Variants in INSR observed in about 807,000 individuals in gnomAD.
The protein encoded by INSR is IR.
Under a neutral mutation model 142.6 loss-of-function variants are expected in INSR, and 67 were observed. That is an observed-to-expected ratio of 0.47 (90% CI 0.39 to 0.58). The LOEUF (loss-of-function observed/expected upper bound fraction) is 0.58, where lower values mean the gene tolerates loss of function less well. INSR is among the 20% of genes least tolerant of loss of function. The pLI is 0.00. For missense variants in INSR, 1,248 were observed against 1,833.2 expected, an observed-to-expected ratio of 0.68 and a Z score of 5.83; for synonymous variants, 756 against 743.1, an observed-to-expected ratio of 1.02 and a Z score of -0.28.
chr19:7,257,067 C>T (rs1368045417), intron 2 of INSR, among the ~76,000 whole-genome samples: 2 of 151,432 alleles, frequency 1.3e-5, no homozygotes, highest in Non-Finnish European at 2.9e-5. Context: ...CTCAGTCTCC[C>T]AAGCAGCTGG....
Position 7,166,274 on chromosome 19 carries a change from G to A in INSR, c.1741C>T (p.Arg581Trp), listed in dbSNP as rs1555743340. ...TACTGGGTCCAGGGCTTGAGACCCC[G>A]CATCAGCCACCCTGGGTGGTTCTGT... Reference protein sequence around the residue: ...KSQNHPGWLMRGLKPWTQYAI... With the variant: ...KSQNHPGWLMWGLKPWTQYAI... The change falls in exon 8 of 22, where the codon CGG (arginine) becomes TGG (tryptophan). Residue 581 changes from arginine to tryptophan, a missense_variant. By Grantham distance (101) the Arg-to-Trp change is moderately radical. Coordinates refer to ENST00000302850, the MANE Select transcript of INSR (RefSeq NM_000208.4). This position sits in a 1 kb window ranked among gnomAD's most constrained non-coding sequence, Gnocchi z 4.1. 1.2e-6 allele frequency: 2 copies of A among 1,614,144 alleles called. No individual in the cohort carries two copies. The highest frequency in any genetic ancestry group is 1.7e-6 in the Non-Finnish European group (2 of 1,180,024).
intron 2 of INSR, among the ~76,000 whole-genome samples, chr19:7,239,413 C>T (rs1031915869): frequency 3.3e-5 from 5 of 151,618 alleles, no homozygotes; most frequent in Non-Finnish European, 7.4e-5. Flanking sequence ...AAAAGAATAC[C>T]ATAGGATACC....
intron 20 of INSR, 81 bp downstream of exon 20, chr19:7,120,539 G>T (rs1023218072): frequency 5.1e-6 from 8 of 1,562,088 alleles, no homozygotes; most frequent in Non-Finnish European, 7.0e-6. Flanking sequence ...AGGATGGCAG[G>T]CTTCCTTCCC....
At chr19:7,153,953 G>T (rs1195626645) in intron 9 of INSR, among the ~76,000 whole-genome samples, 1 of 152,152 alleles carries the variant, frequency 6.6e-6, no homozygotes, top group Non-Finnish European at 1.5e-5. Context: ...CTGAGGTCAG[G>T]AGTTCGAGAC....
At chr19:7,281,293 A>G (rs530295289) in intron 1 of INSR, among the ~76,000 whole-genome samples, 173 of 152,104 alleles carry the variant, frequency 1.1e-3, no homozygotes, top group African/African-American at 4.0e-3. Flanking sequence ...TCTGCAAGGA[A>G]ACAACAAGAT....
intron 2 of INSR, among the ~76,000 whole-genome samples, chr19:7,231,288 GTTTTTTGTTTTT>G (rs1225277558): frequency 1.2e-4 from 7 of 58,860 alleles, no homozygotes; most frequent in South Asian, 6.4e-4. Context: ...TTTTGGTGGT[GTTTTTTGTTTTT>G]TTTTTTTTTT....
rs71177160 is a variant in INSR, at chr19:7,148,477, C to CTTTTTTTTTTTTT, written c.2267+2007_2267+2019dup. On this transcript the variant is annotated intron_variant, in intron 11 of 21. Coordinates refer to ENST00000302850, the MANE Select transcript of INSR (RefSeq NM_000208.4). ...TTATTATTAGTATTATGTATTTATT[C>CTTTTTTTTTTTTT]TTTTTTTTTTTTTTTTTTGAGACAG... Among the ~76,000 whole-genome samples the CTTTTTTTTTTTTT allele has an allele frequency of 1.8e-3, 174 of 95,038 alleles. 19 individuals are homozygous for CTTTTTTTTTTTTT. Among genetic ancestry groups the CTTTTTTTTTTTTT allele is most frequent in the East Asian group, 4.0e-3 (13 of 3,240 alleles). The allele number at this position is 95,038 out of a possible 152,430, so 62.3% of individuals were successfully genotyped here.
intron 13 of INSR, among the ~76,000 whole-genome samples, chr19:7,138,746 A>G (rs998829481): frequency 2.6e-5 from 4 of 152,218 alleles, no homozygotes; most frequent in Non-Finnish European, 5.9e-5. Flanking sequence ...CCATTCTCCA[A>G]TGGATGGACA....
At chr19:7,277,497 C>T (rs1400869294) in intron 1 of INSR, among the ~76,000 whole-genome samples, 1 of 152,106 alleles carries the variant, frequency 6.6e-6, no homozygotes, top group Non-Finnish European at 1.5e-5. Context: ...AGTACTAAAA[C>T]AAAGAACTGC....
At chr19:7,259,881 GA>G (rs781669738) in intron 2 of INSR, among the ~76,000 whole-genome samples, 1 of 151,874 alleles carries the variant, frequency 6.6e-6, no homozygotes, top group Non-Finnish European at 1.5e-5. Context: ...GCTCACATGT[GA>G]AATCTCAGCA....
At chr19:7,136,176 A>C (rs1042667905) in intron 13 of INSR, among the ~76,000 whole-genome samples, 7 of 151,740 alleles carry the variant, frequency 4.6e-5, no homozygotes, top group Admixed American at 3.9e-4. Context: ...TGTCATGGCT[A>C]ATTTGGGGCT....
At chr19:7,205,361 T>A (rs1975080770) in intron 2 of INSR, among the ~76,000 whole-genome samples, 1 of 152,190 alleles carries the variant, frequency 6.6e-6, no homozygotes, top group African/African-American at 2.4e-5. Flanking sequence ...CTCAGAAGGT[T>A]ATTCTATAAA....
chr19:7,174,750 G>A lies in INSR; in HGVS notation c.975-19C>T, dbSNP rs1283156579. The A allele has an allele frequency of 6.2e-7, 1 of 1,608,040 alleles. No homozygotes were observed. Among genetic ancestry groups the A allele is most frequent in the Middle Eastern group, 1.7e-4 (1 of 6,046 alleles). Reference sequence around the variant, plus strand: ...CAGCAAGCTAAGGACGGAGCAGAGAGAGAGAGAAAGAGAAAGGGGAGGGGG... The same window carrying A: ...CAGCAAGCTAAGGACGGAGCAGAGAAAGAGAGAAAGAGAAAGGGGAGGGGG... On this transcript the variant is annotated intron_variant, in intron 3 of 21. Transcript: ENST00000302850.
At chr19:7,214,050 T>C (rs1165320046) in intron 2 of INSR, among the ~76,000 whole-genome samples, 1 of 152,148 alleles carries the variant, frequency 6.6e-6, no homozygotes, top group Non-Finnish European at 1.5e-5. Flanking sequence ...ACAGGTTGGC[T>C]GTTAGCAACC....
In INSR at chr19:7,192,170, G is replaced by T. The variant is rs2145012303; in HGVS notation, c.653-7533C>A. Among the ~76,000 whole-genome samples the T allele has an allele frequency of 9.7e-6, 1 of 102,612 alleles. No individual in the cohort carries two copies. Among genetic ancestry groups the T allele is most frequent in the South Asian group, 3.7e-4 (1 of 2,696 alleles). The allele number at this position is 102,612 out of a possible 152,430, so 67.3% of individuals were successfully genotyped here. ...AGAGAGAAAGAGAAAGAAAAAGAAA[G>T]ACAGAGAAAGAAAAGAAAAAAGAAA... On this transcript the variant is annotated intron_variant, in intron 2 of 21. Transcript: ENST00000302850. This position sits in a 1 kb window ranked among gnomAD's most constrained non-coding sequence, Gnocchi z 4.2.
intron 1 of INSR, among the ~76,000 whole-genome samples, chr19:7,272,642 A>C (rs1304110220): frequency 6.6e-6 from 1 of 152,110 alleles, no homozygotes; most frequent in African/African-American, 2.4e-5. Context: ...AAAACCAAAA[A>C]AACCCCACGA....
rs148501834 is a variant in INSR, at chr19:7,148,315, T to C, written c.2267+2182A>G. Reference sequence around the variant, plus strand: ...CATCACCCAGGGGGATATTTAGCAATGTCTGAAGATATTTTTGGTTATTAC... The same window carrying C: ...CATCACCCAGGGGGATATTTAGCAACGTCTGAAGATATTTTTGGTTATTAC... On this transcript the variant is annotated intron_variant, in intron 11 of 21. Transcript: ENST00000302850. Among the ~76,000 whole-genome samples, 1,427 of 152,092 alleles carry C rather than the reference T, an allele frequency of 9.4e-3. 22 individuals carry two copies. Among genetic ancestry groups the C allele is most frequent in the African/African-American group, 0.033 (1,357 of 41,488 alleles).
chr19:7,262,236 C>T (rs1254861783), intron 2 of INSR, among the ~76,000 whole-genome samples: 1 of 152,010 alleles, frequency 6.6e-6, no homozygotes, highest in Non-Finnish European at 1.5e-5. Context: ...TTTGGGAGGC[C>T]GAGGCCAGTG....
intron 11 of INSR, among the ~76,000 whole-genome samples, chr19:7,149,809 T>G (rs1466017796): frequency 1.6e-5 from 2 of 124,624 alleles, no homozygotes; most frequent in African/African-American, 3.2e-5. Context: ...GCAACAAGAG[T>G]GAAATTCCAT....
Sources: allele counts gnomAD v4.1 joint callset (sites outside exome capture counted in the v4.1 genomes callset), GRCh38; gene constraint gnomAD v4.1.1; non-coding constraint Gnocchi (gnomAD v3.1); transcripts MANE v1.5; gene names NCBI Gene and HGNC (gene_info 2026-07-23, HGNC 2026-07-21).